The following GABARAPL2 variants were observed in gnomAD, a reference collection of about 807,000 sequenced individuals.
GABARAPL2 encodes GABA type A receptor associated protein like 2.
A neutral mutation model predicts 16.9 loss-of-function variants in GABARAPL2; 11 were observed. The observed-to-expected ratio is 0.65, with a 90% CI of 0.41 to 1.08. The LOEUF (loss-of-function observed/expected upper bound fraction) is 1.08, where lower values mean the gene tolerates loss of function less well. GABARAPL2 is among the 50% of genes least tolerant of loss of function. The probability of loss-of-function intolerance (pLI) is 0.00; values close to 1 mark genes in which losing one functional copy is unlikely to be tolerated. For missense variants in GABARAPL2, 134 were observed against 142.5 expected (o/e 0.94, Z 0.30); for synonymous variants, 57 against 50.7 (o/e 1.12, Z -0.53).
chr16:75,568,198 C>T lies in GABARAPL2; in HGVS notation c.252C>T (p.Val84=). 1 of 1,607,758 alleles carries T rather than the reference C, an allele frequency of 6.2e-7. No individual in the cohort carries two copies. Among genetic ancestry groups the T allele is most frequent in the Non-Finnish European group, 8.5e-7 (1 of 1,174,624 alleles). ...TCTTCCTGTTTGTGGATAAGACAGT[C>T]CCACAGTCCAGGTGAGAGGTGTTTA... The part of the protein sequence containing the change: ...KAIFLFVDKT[V]PQSSLTMGQL... Residue 84 remains valine (V), a synonymous_variant, in exon 3 of 4, where the codon GTC becomes GTT. Transcript: ENST00000037243.
Position 75,567,849 on chromosome 16 carries a change from C to T in GABARAPL2, c.91-188C>T, listed in dbSNP as rs188961577. The stretch of plus-strand genomic sequence containing the variant: ...CCACAGAAAAGCACTTACTGTTTCC[C>T]TGTAACACATTTATATCAATTCTTA... On this transcript the variant is annotated intron_variant, in intron 2 of 3. Transcript: ENST00000037243. Among the ~76,000 whole-genome samples the T allele has an allele frequency of 3.9e-5, 6 of 152,320 alleles. No homozygotes were observed. In the East Asian group the frequency reaches 7.7e-4, roughly 20 times the overall value.
Position 75,566,614 on chromosome 16 carries a change from G to T in GABARAPL2, c.34+94G>T, listed in dbSNP as rs994199137. On this transcript the variant is annotated intron_variant, in intron 1 of 3. Transcript: ENST00000037243. ...GCGGCCCTGGGCCGAGTGGAGCGGG[G>T]CGGATGCCCTGCTGCGGGCTGGAGT... 3.0e-5 allele frequency: 42 copies of T among 1,406,616 alleles called. No individual in the cohort carries two copies. In the African/African-American group the frequency reaches 4.4e-4, roughly 15 times the overall value. The allele number at this position is 1,406,616 out of a possible 1,614,324, so 87.1% of individuals were successfully genotyped here.
In GABARAPL2 at chr16:75,566,461, G is replaced by T. The variant is rs1258742470; in HGVS notation, c.-26G>T. ...GCTGAGCTCCGCGGCTCCGCGAGCC[G>T]GTTCCGTCCCCTTCCCGCCGCCGCC... On this transcript the variant is annotated 5_prime_UTR_variant, in exon 1 of 4. Coordinates refer to ENST00000037243, the MANE Select transcript of GABARAPL2 (RefSeq NM_007285.7). The T allele has an allele frequency of 8.2e-6, 13 of 1,584,434 alleles. No homozygotes were observed. The highest frequency in any genetic ancestry group is 1.1e-5 in the Non-Finnish European group (13 of 1,160,074).
chr16:75,566,399 C>G lies in GABARAPL2; in HGVS notation c.-88C>G. ...CGTGTAGTCGCCGCCGTCGCTGCCG[C>G]TGCCGCTGCCGCCGTCGTTGTTGTT... On this transcript the variant is annotated 5_prime_UTR_variant, in exon 1 of 4. Transcript: ENST00000037243. 9.8e-7 allele frequency: 1 copy of G among 1,017,382 alleles called. No homozygotes were observed. The highest frequency in any genetic ancestry group is 1.5e-6 in the Non-Finnish European group (1 of 668,552). The allele number at this position is 1,017,382 out of a possible 1,614,324, so 63.0% of individuals were successfully genotyped here. A position where few individuals can be genotyped will look rare whatever the true frequency, so the allele number is the denominator to read the frequency against.
At chr16:75,572,596 TC>T (rs2080922308) in intron 3 of GABARAPL2, 1 of 152,370 alleles carries the variant, frequency 6.6e-6, no homozygotes, top group African/African-American at 2.4e-5. Flanking sequence ...GCTGCAACTT[TC>T]CTTTTTTTAT....
chr16:75,571,378 AG>A (rs2080913191), intron 3 of GABARAPL2, among the ~76,000 whole-genome samples: 1 of 152,234 alleles, frequency 6.6e-6, no homozygotes, highest in South Asian at 2.1e-4. Context: ...CTTCAGTAAA[AG>A]GAAGTTGTGA....
chr16:75,574,583 A>G (rs2080936233), intron 3 of GABARAPL2, among the ~76,000 whole-genome samples: 1 of 152,042 alleles, frequency 6.6e-6, no homozygotes, highest in Non-Finnish European at 1.5e-5. Context: ...CAGGGTAAAA[A>G]TCTTGGGAGA....
At chr16:75,567,428 T>C (rs929159149) in intron 2 of GABARAPL2, among the ~76,000 whole-genome samples, 1 of 152,228 alleles carries the variant, frequency 6.6e-6, no homozygotes, top group African/African-American at 2.4e-5. Flanking sequence ...TATAATGTTA[T>C]ATTTCTTCCA....
chr16:75,574,760 T>G (rs1027052954), intron 3 of GABARAPL2, among the ~76,000 whole-genome samples: 1 of 151,948 alleles, frequency 6.6e-6, no homozygotes, highest in African/African-American at 2.4e-5. Context: ...ATGGAATCAT[T>G]TTTGGCATTT....
chr16:75,566,905 C>T lies in GABARAPL2; in HGVS notation c.88C>T (p.Pro30Ser), dbSNP rs747530890. The change falls in exon 2 of 4, where the codon CCG (proline) becomes TCG (serine). Residue 30 changes from proline (P) to serine (S), a missense_variant and splice_region_variant. By Grantham distance (74) the Pro-to-Ser change is moderately conservative. Coordinates refer to ENST00000037243, the MANE Select transcript of GABARAPL2 (RefSeq NM_007285.7). ...KIRAKYPDRVPVIVEKVSGSQ... is the reference protein window; with the variant it reads ...KIRAKYPDRVSVIVEKVSGSQ... ...TCGAGCGAAATATCCCGACAGGGTTCCGGTGAGTGGACTCTCCGCCCCCTC... is the reference window on the plus strand; with the variant it reads ...TCGAGCGAAATATCCCGACAGGGTTTCGGTGAGTGGACTCTCCGCCCCCTC... 6.2e-7 allele frequency: 1 copy of T among 1,612,352 alleles called. No homozygotes were observed. Among genetic ancestry groups the T allele is most frequent in the South Asian group, 1.1e-5 (1 of 91,046 alleles).
At chr16:75,571,991 T>C (rs2151718574) in intron 3 of GABARAPL2, among the ~76,000 whole-genome samples, 1 of 152,018 alleles carries the variant, frequency 6.6e-6, no homozygotes, top group South Asian at 2.1e-4. Flanking sequence ...TTGTTCTTTT[T>C]ATCAGATAAA....
chr16:75,574,103 T>G (rs73615008), intron 3 of GABARAPL2, among the ~76,000 whole-genome samples: 8,585 of 152,250 alleles, frequency 0.056, 807 homozygotes, highest in African/African-American at 0.2. Flanking sequence ...GCCACATGAT[T>G]GTGGGCCTCC....
chr16:75,568,177 C>G lies in GABARAPL2; in HGVS notation c.231C>G (p.Phe77Leu). The G allele has an allele frequency of 6.2e-7, 1 of 1,612,966 alleles. No individual in the cohort carries two copies. The highest frequency in any genetic ancestry group is 8.5e-7 in the Non-Finnish European group (1 of 1,178,980). ...RIQLPSEKAI[F>L]LFVDKTVPQS... Reference sequence around the variant, plus strand: ...AGCTTCCTTCTGAAAAGGCGATCTTCCTGTTTGTGGATAAGACAGTCCCAC... The same window carrying G: ...AGCTTCCTTCTGAAAAGGCGATCTTGCTGTTTGTGGATAAGACAGTCCCAC... The change falls in exon 3 of 4, where the codon TTC becomes TTG. Residue 77 changes from phenylalanine (F) to leucine (L), a missense_variant. Physicochemically the swap from Phe to Leu is conservative, Grantham distance 22. Transcript: ENST00000037243.
intron 3 of GABARAPL2, among the ~76,000 whole-genome samples, chr16:75,569,435 C>A (rs371450930): frequency 6.6e-5 from 10 of 152,340 alleles, no homozygotes; most frequent in African/African-American, 2.4e-4. Flanking sequence ...TTCTAACCTT[C>A]CTTCCCAGGC....
chr16:75,571,275 C>T (rs750486619), intron 3 of GABARAPL2, among the ~76,000 whole-genome samples: 13 of 152,070 alleles, frequency 8.5e-5, no homozygotes, highest in Non-Finnish European at 1.9e-4. Context: ...ATGGGTGTTA[C>T]CCACCATGCC....
intron 2 of GABARAPL2, 51 bp from the exon 3 acceptor site, chr16:75,567,986 C>T (rs757319789): frequency 1.8e-5 from 27 of 1,461,014 alleles, no homozygotes; most frequent in Non-Finnish European, 2.6e-5. Flanking sequence ...CCATGTGAGG[C>T]CAGAGCCTCG....
chr16:75,566,598 G>A (rs896825885), intron 1 of GABARAPL2, 78 bp downstream of exon 1: 16 of 1,519,278 alleles, frequency 1.1e-5, no homozygotes, highest in Non-Finnish European at 1.4e-5. Context: ...GGCGGCCCTG[G>A]GCCGAGTGGA....
At chr16:75,570,638 T>C (rs2080909082) in intron 3 of GABARAPL2, among the ~76,000 whole-genome samples, 1 of 152,202 alleles carries the variant, frequency 6.6e-6, no homozygotes, top group South Asian at 2.1e-4. Flanking sequence ...ATTTCTGCCT[T>C]GGAGTGGAAA....
intron 3 of GABARAPL2, among the ~76,000 whole-genome samples, chr16:75,573,495 G>A (rs1374677026): frequency 6.6e-6 from 1 of 152,208 alleles, no homozygotes; most frequent in Non-Finnish European, 1.5e-5. Flanking sequence ...CAGTGCTACT[G>A]CCAACTAAGT....
Sources: gnomAD v4.1 joint callset for allele counts (sites outside exome capture counted in the v4.1 genomes callset) on GRCh38, gnomAD v4.1.1 for gene constraint, MANE v1.5 for transcripts, NCBI Gene and HGNC (gene_info 2026-07-23, HGNC 2026-07-21) for gene names.